Variants in MTHFD1L observed in about 807,000 individuals in gnomAD.
MTHFD1L encodes monofunctional C1-tetrahydrofolate synthase, mitochondrial.
A neutral mutation model predicts 119.5 loss-of-function variants in MTHFD1L; 81 were observed. The ratio of observed to expected loss-of-function variants is 0.68; its 90% CI spans 0.57 to 0.82. The LOEUF is 0.82. Ranked by LOEUF, MTHFD1L falls within the 40% of genes least tolerant of loss-of-function variation. The pLI is 0.00. For missense variants in MTHFD1L, 1,125 were observed against 1,253.4 expected, an observed-to-expected ratio of 0.90 and a Z score of 1.55; for synonymous variants, 430 against 475.2, an observed-to-expected ratio of 0.90 and a Z score of 1.24.
chr6:150,948,801 C>CT (rs1207355516), intron 15 of MTHFD1L, among the ~76,000 whole-genome samples: 27,455 of 128,410 alleles, frequency 0.21, 4,641 homozygotes, highest in East Asian at 0.39. Flanking sequence ...CCACCATGCC[C>CT]AGCTAATTTT....
chr6:151,054,662 A>T (rs1235442822), intron 26 of MTHFD1L, among the ~76,000 whole-genome samples: 2 of 152,208 alleles, frequency 1.3e-5, no homozygotes, highest in African/African-American at 4.8e-5. Context: ...TATTGAGCAC[A>T]TGAACTGACA....
At chr6:150,979,768 G>T (rs535038996) in intron 20 of MTHFD1L, among the ~76,000 whole-genome samples, 11 of 152,036 alleles carry the variant, frequency 7.2e-5, no homozygotes, top group African/African-American at 2.7e-4. Context: ...CCAAAGTGTA[G>T]AGATTATAGC....
At chr6:151,019,649 GT>G (rs1439928811) in intron 24 of MTHFD1L, among the ~76,000 whole-genome samples, 3 of 152,192 alleles carry the variant, frequency 2.0e-5, no homozygotes, top group Non-Finnish European at 4.4e-5. Context: ...CTGCATAATT[GT>G]TTGTTAGATA....
At chr6:150,888,895 C>G (rs1782750357) in intron 7 of MTHFD1L, among the ~76,000 whole-genome samples, 1 of 152,200 alleles carries the variant, frequency 6.6e-6, no homozygotes, top group South Asian at 2.1e-4. Context: ...CTATTAAAGG[C>G]CGGGCGTGGT....
chr6:150,952,409 C>T (rs1470266227), intron 16 of MTHFD1L, among the ~76,000 whole-genome samples: 2 of 152,194 alleles, frequency 1.3e-5, no homozygotes, highest in Non-Finnish European at 2.9e-5. Flanking sequence ...TTTGATTTGA[C>T]AACTAGAGCA....
intron 17 of MTHFD1L, 81 bp from the exon 18 acceptor site, chr6:150,960,194 T>C: frequency 6.6e-7 from 1 of 1,510,816 alleles, no homozygotes. Flanking sequence ...GGTTGCTTCA[T>C]GGCTGAAGTC....
intron 26 of MTHFD1L, among the ~76,000 whole-genome samples, chr6:151,050,625 G>A (rs1788871175): frequency 6.6e-6 from 1 of 152,158 alleles, no homozygotes. Context: ...GACTGGTATG[G>A]TGGGGGGCAC....
chr6:151,094,896 C>G (rs6939747), intron 27 of MTHFD1L, among the ~76,000 whole-genome samples: 130 of 152,306 alleles, frequency 8.5e-4, no homozygotes, highest in African/African-American at 3.0e-3. Flanking sequence ...CCAGGCTGGT[C>G]TCAAACTCCT....
intron 25 of MTHFD1L, 50 bp from the exon 26 acceptor site, chr6:151,036,915 A>G: frequency 6.2e-7 from 1 of 1,603,418 alleles, no homozygotes; most frequent in Non-Finnish European, 8.5e-7. Context: ...TGAAAAGCAC[A>G]GGAGACTAAC....
intron 7 of MTHFD1L, among the ~76,000 whole-genome samples, chr6:150,900,743 C>G (rs1322263663): frequency 6.6e-6 from 1 of 152,162 alleles, no homozygotes; most frequent in Non-Finnish European, 1.5e-5. Context: ...CGGCCGGGCG[C>G]GGTGGCTCAC....
At chr6:150,996,524 A>G (rs116810327) in intron 20 of MTHFD1L, among the ~76,000 whole-genome samples, 27 of 152,170 alleles carry the variant, frequency 1.8e-4, no homozygotes, top group East Asian at 1.7e-3. Context: ...TTAGCCTTCA[A>G]TGTTAATTTC....
At chr6:151,043,709 T>C (rs1402235753) in intron 26 of MTHFD1L, among the ~76,000 whole-genome samples, 2 of 152,130 alleles carry the variant, frequency 1.3e-5, no homozygotes, top group Admixed American at 6.5e-5. Context: ...ACGCACCCTT[T>C]TGTCACTGGC....
intron 26 of MTHFD1L, among the ~76,000 whole-genome samples, chr6:151,078,411 C>CTCTTTT (rs1562635912): frequency 6.6e-6 from 1 of 152,138 alleles, no homozygotes. Flanking sequence ...CTTTTTTCTG[C>CTCTTTT]TGCATAACAA....
intron 20 of MTHFD1L, among the ~76,000 whole-genome samples, chr6:150,974,491 A>G (rs1776253939): frequency 6.6e-6 from 1 of 152,124 alleles, no homozygotes; most frequent in African/African-American, 2.4e-5. Context: ...AGTGAAGTAC[A>G]CCTTCATTGT....
intron 1 of MTHFD1L, among the ~76,000 whole-genome samples, chr6:150,872,693 CAT>C (rs768133932): frequency 3.3e-5 from 5 of 152,152 alleles, no homozygotes; most frequent in Non-Finnish European, 7.3e-5. Flanking sequence ...AAATGACTCC[CAT>C]AGACTTAAAA....
At chr6:150,988,355 C>G (rs1293178610) in intron 20 of MTHFD1L, among the ~76,000 whole-genome samples, 2 of 152,152 alleles carry the variant, frequency 1.3e-5, no homozygotes, top group Non-Finnish European at 2.9e-5. Flanking sequence ...AGTCAAATTA[C>G]CCCTTCCTTG....
At chr6:150,954,180 A>C (rs953834415) in intron 16 of MTHFD1L, among the ~76,000 whole-genome samples, 1 of 152,224 alleles carries the variant, frequency 6.6e-6, no homozygotes, top group East Asian at 1.9e-4. Flanking sequence ...TATAGTACCA[A>C]ATACGTAATT....
chr6:151,051,947 G>T (rs752596379), intron 26 of MTHFD1L, among the ~76,000 whole-genome samples: 1 of 152,208 alleles, frequency 6.6e-6, no homozygotes, highest in Non-Finnish European at 1.5e-5. Flanking sequence ...GAGCCTGGGG[G>T]CTCATTGATA....
intron 1 of MTHFD1L, among the ~76,000 whole-genome samples, chr6:150,871,586 C>A (rs1194589673): frequency 6.7e-6 from 1 of 148,204 alleles, no homozygotes; most frequent in Non-Finnish European, 1.5e-5. Context: ...GCTGGAACCT[C>A]CGCCTCTCAG....
Sources: gnomAD v4.1 joint callset for allele counts (sites outside exome capture counted in the v4.1 genomes callset) on GRCh38, gnomAD v4.1.1 for gene constraint, MANE v1.5 for transcripts, NCBI Gene and HGNC (gene_info 2026-07-23, HGNC 2026-07-21) for gene names.